Variants in TOP3A observed in about 807,000 individuals in gnomAD.
TOP3A encodes DNA topoisomerase III alpha, also known as DNA topoisomerase 3-alpha.
TOP3A carries 64 observed loss-of-function variants against 111.3 expected under a neutral mutation model. The ratio of observed to expected loss-of-function variants is 0.57; its 90% confidence interval spans 0.47 to 0.71. TOP3A has a LOEUF of 0.71. TOP3A is among the 30% of genes least tolerant of loss of function. The probability of loss-of-function intolerance (pLI) is 0.00; values close to 1 mark genes in which losing one functional copy is unlikely to be tolerated. For synonymous variants in TOP3A, 484 were observed against 485.1 expected, an observed-to-expected ratio of 1.00 and a Z score of 0.03; for missense variants, 1,104 against 1,285.0, an observed-to-expected ratio of 0.86 and a Z score of 2.15.
Position 18,285,314 on chromosome 17 carries a change from G to C in TOP3A, c.1712-7C>G. 1 of 1,614,024 alleles carries C rather than the reference G, an allele frequency of 6.2e-7. No individual in the cohort carries two copies. The highest frequency in any genetic ancestry group is 8.5e-7 in the Non-Finnish European group (1 of 1,179,932). Reference sequence around the variant, plus strand: ...TAGCCCATGGAATCATAACCTGCAGGGAGAGAGTCGAGCTCAGTGAGGGCC... The same window carrying C: ...TAGCCCATGGAATCATAACCTGCAGCGAGAGAGTCGAGCTCAGTGAGGGCC... On this transcript the variant is annotated splice_region_variant and splice_polypyrimidine_tract_variant and intron_variant, in intron 14 of 18. Transcript: ENST00000321105.
At chr17:18,298,211 G>A (rs1399964212) in intron 9 of TOP3A, among the ~76,000 whole-genome samples, 1 of 150,066 alleles carries the variant, frequency 6.7e-6, no homozygotes, top group Non-Finnish European at 1.5e-5. Context: ...GAGAAGTGAG[G>A]AGCCCCTCCG....
chr17:18,306,319 T>C (rs1340249089), intron 4 of TOP3A, among the ~76,000 whole-genome samples: 1 of 152,202 alleles, frequency 6.6e-6, no homozygotes, highest in Non-Finnish European at 1.5e-5. Context: ...GCCTCTTTCA[T>C]CTAACAAGGG....
chr17:18,297,438 G>GTCCCTGTCCCTCTCCCCACTGTC (rs1555571028), intron 9 of TOP3A, among the ~76,000 whole-genome samples: 1 of 145,906 alleles, frequency 6.9e-6, no homozygotes, highest in African/African-American at 2.6e-5. Flanking sequence ...CCCTGTCCCT[G>GTCCCTGTCCCTCTCCCCACTGTC]TCCCTCTCCC....
rs1269156600 is a variant in TOP3A, at chr17:18,274,936, G to C, written c.2872C>G (p.Leu958Val). 1.9e-6 allele frequency: 3 copies of C among 1,614,018 alleles called. No homozygotes were observed. The African/African-American group carries it at 4.0e-5, about 22-fold the overall frequency. The change falls in exon 19 of 19, where the codon CTG (leucine) becomes GTG (valine). Residue 958 changes from leucine (L) to valine (V), a missense_variant. Transcript: ENST00000321105. Reference sequence around the variant, plus strand: ...CTTTTGCTTCTGGCTTCCGACTCCAGGGTTCTTCCTCTGTCTCCTGTCCAG... The same window carrying C: ...CTTTTGCTTCTGGCTTCCGACTCCACGGTTCTTCCTCTGTCTCCTGTCCAG... ...PSWTGDRGRTLESEARSKRPR... is the reference protein window; with the variant it reads ...PSWTGDRGRTVESEARSKRPR...
chr17:18,292,730 C>A lies in TOP3A; in HGVS notation c.1196G>T (p.Arg399Leu). ...CCCATTGCGTGGGGTGGGACCACCC[C>A]GCTCTAGAATGCTCTGGGCAAAGGC... Reference protein sequence around the residue: ...WGAFAQSILERGGPTPRNGNK... With the variant: ...WGAFAQSILELGGPTPRNGNK... The change falls in exon 11 of 19, where the codon CGG (arginine) becomes CTG (leucine). Residue 399 changes from arginine (R) to leucine (L), a missense_variant. By Grantham distance (102) the Arg-to-Leu change is moderately radical. Coordinates refer to ENST00000321105, the MANE Select transcript of TOP3A (RefSeq NM_004618.5). 2 of 1,612,058 alleles carry A rather than the reference C, an allele frequency of 1.2e-6. No homozygotes were observed. The highest frequency in any genetic ancestry group is 8.5e-7 in the Non-Finnish European group (1 of 1,178,674).
intron 9 of TOP3A, among the ~76,000 whole-genome samples, chr17:18,299,152 G>A (rs182103567): frequency 7.9e-4 from 121 of 152,262 alleles, no homozygotes; most frequent in African/African-American, 2.8e-3. Context: ...GTGGTTGGGT[G>A]TGGTGGCTTA....
Position 18,290,935 on chromosome 17 carries a change from G to C in TOP3A, c.1374C>G (p.Ile458Met), listed in dbSNP as rs764617011. 3.1e-6 allele frequency: 5 copies of C among 1,614,072 alleles called. No homozygotes were observed. In the Admixed American group the frequency reaches 5.0e-5, roughly 16 times the overall value. ...CCACAAAGCGTTCCTGAGCGATGTC[G>C]ATCTCCACTGTGGTCTCCTGCCCCT... Reference protein sequence around the residue: ...DAQGQETTVEIDIAQERFVAH... With the variant: ...DAQGQETTVEMDIAQERFVAH... Residue 458 changes from isoleucine to methionine, a missense_variant, in exon 12 of 19, where the codon ATC becomes ATG. Ile to Met is a conservative substitution (Grantham distance 10). Coordinates refer to ENST00000321105, the MANE Select transcript of TOP3A (RefSeq NM_004618.5).
chr17:18,313,908 A>AT (rs1452348647), intron 1 of TOP3A, among the ~76,000 whole-genome samples: 1 of 152,148 alleles, frequency 6.6e-6, no homozygotes, highest in African/African-American at 2.4e-5. Flanking sequence ...TATCTGAGAT[A>AT]TTTTCCTGGA....
At chr17:18,296,823 T>C (rs995225484) in intron 9 of TOP3A, among the ~76,000 whole-genome samples, 5 of 152,186 alleles carry the variant, frequency 3.3e-5, no homozygotes, top group African/African-American at 1.2e-4. Flanking sequence ...ATACTCCTAA[T>C]GTGATTTACT....
intron 10 of TOP3A, 24 bp from the exon 11 acceptor site, chr17:18,292,876 A>G (rs747150617): frequency 1.0e-4 from 166 of 1,592,660 alleles, no homozygotes; most frequent in Non-Finnish European, 1.4e-4. Context: ...AAACAAACAG[A>G]AAAAGAAATT....
chr17:18,307,949 G>A (rs190976163), intron 3 of TOP3A, among the ~76,000 whole-genome samples: 9 of 146,672 alleles, frequency 6.1e-5, no homozygotes, highest in Non-Finnish European at 1.3e-4. Flanking sequence ...GGTGGCTCAC[G>A]GTCTGTAATC....
At position 18,278,096 on chromosome 17, in the gene TOP3A, G is replaced by C; in HGVS notation, c.2406C>G (p.Pro802=). Residue 802 remains proline, a synonymous_variant, in exon 18 of 19, where the codon CCC becomes CCG. Transcript: ENST00000321105. ...SKALAQTLPP[P]TAAGESNSVT... is the part of the protein sequence containing the mutation. The stretch of plus-strand genomic sequence containing the variant: ...CAGAATTGCTTTCACCAGCAGCCGT[G>C]GGTGGTGGGAGGGTCTGGGCCAGAG... 1 of 1,614,212 alleles carries C rather than the reference G, an allele frequency of 6.2e-7. No individual in the cohort carries two copies. Among genetic ancestry groups the C allele is most frequent in the Non-Finnish European group, 8.5e-7 (1 of 1,180,038 alleles).
At chr17:18,305,976 T>TG (rs1419075183) in intron 4 of TOP3A, among the ~76,000 whole-genome samples, 5 of 150,164 alleles carry the variant, frequency 3.3e-5, no homozygotes, top group African/African-American at 1.2e-4. Context: ...CTGAGGCGGG[T>TG]GGATCACGTG....
At position 18,299,571 on chromosome 17, in the gene TOP3A, G is replaced by C. The variant is rs757637425; in HGVS notation, c.978C>G (p.Ala326=). The C allele has an allele frequency of 8.1e-6, 13 of 1,613,912 alleles. No homozygotes were observed. Among genetic ancestry groups the C allele is most frequent in the Middle Eastern group, 1.6e-4 (1 of 6,080 alleles). ...GTCTGGAACATACCACAGTGTCCAA[G>C]GCTTGAGGCCGCCACTTGCTCTTGG... The part of the protein sequence containing the change: ...SKPKSKWRPQ[A]LDTVELEKLA... The change falls in exon 9 of 19, where the codon GCC becomes GCG. Residue 326 remains alanine (A), a synonymous_variant. Coordinates refer to ENST00000321105, the MANE Select transcript of TOP3A (RefSeq NM_004618.5).
At chr17:18,279,386 A>G (rs2142936933) in intron 17 of TOP3A, among the ~76,000 whole-genome samples, 1 of 151,972 alleles carries the variant, frequency 6.6e-6, no homozygotes, top group Non-Finnish European at 1.5e-5. Flanking sequence ...CCTGCCGAGT[A>G]GCTGGGACTA....
chr17:18,295,001 A>G (rs1452421371), intron 9 of TOP3A, among the ~76,000 whole-genome samples: 1 of 152,202 alleles, frequency 6.6e-6, no homozygotes, highest in Non-Finnish European at 1.5e-5. Context: ...TGCAGGACTC[A>G]ACTGGGAAGC....
intron 16 of TOP3A, among the ~76,000 whole-genome samples, chr17:18,281,145 A>G (rs1045863005): frequency 2.6e-5 from 4 of 152,020 alleles, no homozygotes; most frequent in African/African-American, 4.8e-5. Context: ...CATCCATCCC[A>G]TCCCGGTCTC....
chr17:18,310,216 G>A (rs1981828611), intron 1 of TOP3A, among the ~76,000 whole-genome samples: 1 of 151,920 alleles, frequency 6.6e-6, no homozygotes, highest in Non-Finnish European at 1.5e-5. Flanking sequence ...CATGAGGTCA[G>A]GAGTTTGAGA....
chr17:18,290,792 G>C (rs1402578658), intron 12 of TOP3A, 50 bp downstream of exon 12: 3 of 1,599,038 alleles, frequency 1.9e-6, no homozygotes, highest in Non-Finnish European at 2.6e-6. Context: ...GAGAACTCAG[G>C]GCTCACAACA....
Sources: gnomAD v4.1 joint callset for allele counts (sites outside exome capture counted in the v4.1 genomes callset) on GRCh38, gnomAD v4.1.1 for gene constraint, MANE v1.5 for transcripts, NCBI Gene and HGNC (gene_info 2026-07-23, HGNC 2026-07-21) for gene names.